The following COBL variants were observed in gnomAD, a reference collection of about 807,000 sequenced individuals.
COBL encodes protein cordon-bleu.
A neutral mutation model predicts 98.8 loss-of-function variants in COBL; 51 were observed. The observed-to-expected ratio is 0.52, with a 90% CI of 0.41 to 0.65. COBL has a LOEUF of 0.65. Ranked by LOEUF, COBL falls within the 30% of genes least tolerant of loss-of-function variation. COBL has a pLI of 0.00. For synonymous variants in COBL, 634 were observed against 651.7 expected (o/e 0.97, Z 0.41); for missense variants, 1,617 against 1,617.5 (o/e 1.00, Z 0.01).
chr7:51,146,361 T>C (rs1001191430), intron 5 of COBL, among the ~76,000 whole-genome samples: 1 of 152,068 alleles, frequency 6.6e-6, no homozygotes, highest in Non-Finnish European at 1.5e-5. Context: ...TAACGGCTGG[T>C]CAAGTGCACA....
intron 1 of COBL, among the ~76,000 whole-genome samples, chr7:51,266,814 T>G (rs1242831767): frequency 6.6e-6 from 1 of 152,090 alleles, no homozygotes; most frequent in East Asian, 1.9e-4. Flanking sequence ...AAACCTAACA[T>G]TTTTATTGAG....
intron 1 of COBL, among the ~76,000 whole-genome samples, chr7:51,298,348 T>C (rs577235254): frequency 3.9e-5 from 6 of 152,236 alleles, no homozygotes; most frequent in Non-Finnish European, 8.8e-5. Context: ...AATAGGTAAC[T>C]ACTACACCTA....
At chr7:51,239,270 C>T (rs1446810776) in intron 1 of COBL, among the ~76,000 whole-genome samples, 1 of 152,100 alleles carries the variant, frequency 6.6e-6, no homozygotes, top group East Asian at 1.9e-4. Context: ...AAAGACCTTG[C>T]TGATTACAGG....
intron 5 of COBL, among the ~76,000 whole-genome samples, chr7:51,167,387 G>C (rs986709985): frequency 6.6e-6 from 1 of 151,988 alleles, no homozygotes; most frequent in African/African-American, 2.4e-5. Flanking sequence ...ATTAACTAAA[G>C]AAGTGAAAGA....
intron 7 of COBL, among the ~76,000 whole-genome samples, chr7:51,079,907 A>G (rs1440321198): frequency 1.3e-5 from 2 of 152,272 alleles, no homozygotes; most frequent in African/African-American, 2.4e-5. Flanking sequence ...TGAACATCTG[A>G]GCACACAGTT....
intron 7 of COBL, chr7:51,065,483 C>T: frequency 2.9e-6 from 2 of 681,118 alleles, no homozygotes; most frequent in Non-Finnish European, 5.4e-6. Context: ...AAAGTCAGGG[C>T]AGAGGCCGAA....
At chr7:51,250,725 T>C (rs184414325) in intron 1 of COBL, among the ~76,000 whole-genome samples, 1 of 152,140 alleles carries the variant, frequency 6.6e-6, no homozygotes, top group Non-Finnish European at 1.5e-5. Flanking sequence ...ATAACTAAGG[T>C]ATTATGTAAG....
intron 1 of COBL, among the ~76,000 whole-genome samples, chr7:51,304,445 C>T (rs549340499): frequency 4.3e-4 from 65 of 152,328 alleles, no homozygotes; most frequent in African/African-American, 1.6e-3. Context: ...TTTGTGAATA[C>T]AAGCTATGAT....
At chr7:51,044,068 A>C (rs1263497268) in intron 7 of COBL, among the ~76,000 whole-genome samples, 1 of 152,246 alleles carries the variant, frequency 6.6e-6, no homozygotes, top group African/African-American at 2.4e-5. Context: ...TCTTTAGAAA[A>C]ACATTAAGAC....
chr7:51,210,727 G>A (rs945655179), intron 2 of COBL, among the ~76,000 whole-genome samples: 3 of 152,160 alleles, frequency 2.0e-5, no homozygotes, highest in Admixed American at 6.5e-5. Context: ...AATTCAGCTC[G>A]ATTGACTACT....
At chr7:51,074,612 G>A (rs1011874100) in intron 7 of COBL, among the ~76,000 whole-genome samples, 1 of 152,186 alleles carries the variant, frequency 6.6e-6, no homozygotes, top group Non-Finnish European at 1.5e-5. Context: ...CGTAACCTGA[G>A]TACATGCTAC....
intron 5 of COBL, among the ~76,000 whole-genome samples, chr7:51,160,193 A>G (rs1786648471): frequency 6.6e-6 from 1 of 152,158 alleles, no homozygotes; most frequent in Non-Finnish European, 1.5e-5. Context: ...TGTCTGGCCT[A>G]TTTTTAATGG....
At chr7:51,030,271 A>G (rs371332473) in intron 9 of COBL, among the ~76,000 whole-genome samples, 40 of 152,360 alleles carry the variant, frequency 2.6e-4, no homozygotes, top group African/African-American at 9.4e-4. Flanking sequence ...CATTGGAGAA[A>G]ATAACATAGC....
intron 7 of COBL, among the ~76,000 whole-genome samples, chr7:51,082,635 C>G (rs1184403824): frequency 6.6e-6 from 1 of 151,930 alleles, no homozygotes; most frequent in Non-Finnish European, 1.5e-5. Context: ...CCACAGCTAA[C>G]TTACGAAGGA....
intron 5 of COBL, among the ~76,000 whole-genome samples, chr7:51,161,383 T>C (rs1284408087): frequency 6.6e-6 from 1 of 152,212 alleles, no homozygotes; most frequent in South Asian, 2.1e-4. Flanking sequence ...TTAATAACTT[T>C]TTCTGAAAAT....
chr7:51,306,526 A>G (rs1173882988), intron 1 of COBL, among the ~76,000 whole-genome samples: 1 of 152,180 alleles, frequency 6.6e-6, no homozygotes, highest in Non-Finnish European at 1.5e-5. Context: ...GCCAACATCC[A>G]GTACAAAAGG....
Position 51,098,344 on chromosome 7 carries a change from C to T in COBL, c.958-13040G>A, listed in dbSNP as rs181705969. The stretch of plus-strand genomic sequence containing the variant: ...AAAACAATAAAACATAGCTGGAAGC[C>T]TCACACTTTCTGGTTTCAAAACATA... On this transcript the variant is annotated intron_variant, in intron 6 of 12. Coordinates refer to ENST00000265136, the MANE Select transcript of COBL (RefSeq NM_015198.5). 4.5e-4 allele frequency among the ~76,000 whole-genome samples: 69 copies of T among 151,666 alleles called. 2 individuals carry two copies. In the East Asian group the frequency reaches 0.011, roughly 24 times the overall value.
intron 8 of COBL, among the ~76,000 whole-genome samples, chr7:51,036,837 C>T (rs921242343): frequency 2.0e-5 from 3 of 152,184 alleles, no homozygotes; most frequent in Non-Finnish European, 2.9e-5. Flanking sequence ...CCCACTTATT[C>T]GATCTCTCTC....
At chr7:51,098,224 C>CTTTTTTTTTATTTTTTTTTTTTTTTTTTT (rs1795481489) in intron 6 of COBL, among the ~76,000 whole-genome samples, 1 of 100,846 alleles carries the variant, frequency 9.9e-6, no homozygotes, top group Non-Finnish European at 1.9e-5. Flanking sequence ...ATAGCAGTTT[C>CTTTTTTTTTATTTTTTTTTTTTTTTTTTT]TTTTTTTTTT....
Sources: allele counts gnomAD v4.1 joint callset (sites outside exome capture counted in the v4.1 genomes callset), GRCh38; gene constraint gnomAD v4.1.1; transcripts MANE v1.5; gene names NCBI Gene and HGNC (gene_info 2026-07-23, HGNC 2026-07-21).